Variants in RANBP17 observed in about 807,000 individuals in gnomAD.
RANBP17 encodes ran-binding protein 17.
A neutral mutation model predicts 141.2 loss-of-function variants in RANBP17; 158 were observed. That is an observed-to-expected ratio of 1.12 (90% CI 0.98 to 1.28). The LOEUF (loss-of-function observed/expected upper bound fraction) is 1.28, where lower values mean the gene tolerates loss of function less well. RANBP17 is among the 50% of genes most tolerant of loss of function. RANBP17 has a pLI of 0.00. For missense variants in RANBP17, 1,438 were observed against 1,290.7 expected (o/e 1.11, Z -1.75); for synonymous variants, 430 against 450.0 (o/e 0.96, Z 0.56).
intron 14 of RANBP17, among the ~76,000 whole-genome samples, chr5:171,061,585 T>C (rs1317757492): frequency 6.6e-6 from 1 of 152,184 alleles, no homozygotes; most frequent in Admixed American, 6.5e-5. Context: ...CTTCCAACTA[T>C]GTGGTGAATT....
At chr5:170,877,895 A>G (rs1430807117) in intron 1 of RANBP17, among the ~76,000 whole-genome samples, 1 of 152,178 alleles carries the variant, frequency 6.6e-6, no homozygotes, top group Non-Finnish European at 1.5e-5. Context: ...CAGAACTATC[A>G]ATTTGTAAGT....
intron 14 of RANBP17, among the ~76,000 whole-genome samples, chr5:171,053,878 C>CATATATAT (rs58623197): frequency 2.9e-4 from 5 of 17,224 alleles, no homozygotes; most frequent in East Asian, 3.8e-3. Context: ...GTGTTTAGTT[C>CATATATAT]ATATATATAT....
At chr5:171,047,810 A>AT (rs985949218) in intron 14 of RANBP17, among the ~76,000 whole-genome samples, 2 of 152,044 alleles carry the variant, frequency 1.3e-5, no homozygotes, top group Non-Finnish European at 2.9e-5. Context: ...TGATTTGCAC[A>AT]TTTTTTTCCT....
At chr5:170,873,216 A>G (rs1354261610) in intron 1 of RANBP17, among the ~76,000 whole-genome samples, 1 of 152,172 alleles carries the variant, frequency 6.6e-6, no homozygotes, top group African/African-American at 2.4e-5. Context: ...GGGCTTGGAT[A>G]AGCTTTTTGA....
chr5:171,193,569 G>A (rs1294035188), intron 18 of RANBP17, among the ~76,000 whole-genome samples: 2 of 152,178 alleles, frequency 1.3e-5, no homozygotes, highest in Non-Finnish European at 2.9e-5. Context: ...TAATCCTGGA[G>A]GTCAGATGTC....
chr5:171,147,759 C>T (rs369722377), intron 14 of RANBP17, among the ~76,000 whole-genome samples: 5 of 152,132 alleles, frequency 3.3e-5, no homozygotes, highest in African/African-American at 1.2e-4. Context: ...AATTTTTAAT[C>T]TCAGGTGGGG....
At chr5:171,062,331 A>T (rs1250065544) in intron 14 of RANBP17, among the ~76,000 whole-genome samples, 1 of 152,140 alleles carries the variant, frequency 6.6e-6, no homozygotes, top group Non-Finnish European at 1.5e-5. Context: ...TGCTTCCTTC[A>T]GGAGCTCTTG....
intron 18 of RANBP17, among the ~76,000 whole-genome samples, chr5:171,195,433 C>T: frequency 6.6e-6 from 1 of 152,198 alleles, no homozygotes; most frequent in Non-Finnish European, 1.5e-5. Flanking sequence ...TCCAGTTCTC[C>T]AGCTTTGGTG....
Position 170,989,958 on chromosome 5 carries a change from C to A in RANBP17, c.1710+21581C>A, listed in dbSNP as rs559609428. On this transcript the variant is annotated intron_variant, in intron 14 of 27. Coordinates refer to ENST00000523189, the MANE Select transcript of RANBP17 (RefSeq NM_022897.5). ...ATATTTATTGTCTTTAGTACTAAAA[C>A]AATGAGCATGTATTTTCTTGTTTTT... 3.4e-4 allele frequency among the ~76,000 whole-genome samples: 52 copies of A among 151,802 alleles called. 1 individual carries two copies. The highest frequency in any genetic ancestry group is 1.2e-3 in the African/African-American group (50 of 41,508).
chr5:171,135,139 G>A (rs1267920962), intron 14 of RANBP17, among the ~76,000 whole-genome samples: 1 of 151,332 alleles, frequency 6.6e-6, no homozygotes, highest in African/African-American at 2.4e-5. Flanking sequence ...AATTAGCCAG[G>A]CATGGTGGTT....
rs1764019532 is a variant in RANBP17 at position 171,228,608 on chromosome 5, A to G, written c.2422+6768A>G. 2.0e-5 allele frequency among the ~76,000 whole-genome samples: 3 copies of G among 152,352 alleles called. No homozygotes were observed. The South Asian group carries it at 6.2e-4, about 32-fold the overall frequency. On this transcript the variant is annotated intron_variant, in intron 22 of 27. Coordinates refer to ENST00000523189, the MANE Select transcript of RANBP17 (RefSeq NM_022897.5). ...TTCTCCTGTGGGTCAAATGCTAACA[A>G]ACAGCATTGTATGCTACAGAGAAAT...
chr5:170,953,785 C>A, intron 13 of RANBP17, 83 bp downstream of exon 13: 1 of 864,662 alleles, frequency 1.2e-6, no homozygotes, highest in Non-Finnish European at 1.9e-6. Context: ...TGAGTGAAGA[C>A]ATTTTGTATG....
At chr5:170,947,285 G>C (rs1774843468) in intron 12 of RANBP17, among the ~76,000 whole-genome samples, 1 of 151,754 alleles carries the variant, frequency 6.6e-6, no homozygotes, top group African/African-American at 2.4e-5. Context: ...TCTTAATTCA[G>C]TAACCCATAT....
chr5:171,227,101 T>C (rs1005028867), intron 22 of RANBP17, among the ~76,000 whole-genome samples: 7 of 152,178 alleles, frequency 4.6e-5, no homozygotes, highest in African/African-American at 7.2e-5. Flanking sequence ...GGCCTACAAG[T>C]ATTCAAGTGA....
chr5:171,122,286 T>C (rs1756096150), intron 14 of RANBP17, among the ~76,000 whole-genome samples: 1 of 152,184 alleles, frequency 6.6e-6, no homozygotes, highest in Admixed American at 6.5e-5. Flanking sequence ...TTGTTTTTTT[T>C]CTTTTGGAGT....
intron 26 of RANBP17, 87 bp downstream of exon 26, chr5:171,294,068 C>A: frequency 1.1e-6 from 1 of 945,168 alleles, no homozygotes; most frequent in Non-Finnish European, 1.7e-6. Context: ...TGACGAAGGA[C>A]AGAGGAGCAG....
intron 21 of RANBP17, among the ~76,000 whole-genome samples, chr5:171,215,843 C>T (rs1486513287): frequency 6.6e-6 from 1 of 152,072 alleles, no homozygotes; most frequent in Non-Finnish European, 1.5e-5. Flanking sequence ...AATTTTCTCC[C>T]ATTCTGTAGG....
chr5:171,031,178 T>G (rs185947243), intron 14 of RANBP17, among the ~76,000 whole-genome samples: 1 of 152,008 alleles, frequency 6.6e-6, no homozygotes, highest in Non-Finnish European at 1.5e-5. Flanking sequence ...GCTTTAAATA[T>G]GTAGATTTAG....
At chr5:171,045,295 A>G (rs1040162843) in intron 14 of RANBP17, among the ~76,000 whole-genome samples, 1 of 152,132 alleles carries the variant, frequency 6.6e-6, no homozygotes, top group Non-Finnish European at 1.5e-5. Context: ...TATGCAAGGT[A>G]GTACTTGATA....
Sources: allele counts gnomAD v4.1 joint callset (sites outside exome capture counted in the v4.1 genomes callset), GRCh38; gene constraint gnomAD v4.1.1; transcripts MANE v1.5; gene names NCBI Gene and HGNC (gene_info 2026-07-23, HGNC 2026-07-21).